The following VCL variants were observed in gnomAD, a reference collection of about 807,000 sequenced individuals.
The protein encoded by VCL is vinculin.
Under a neutral mutation model 125.7 loss-of-function variants are expected in VCL, and 47 were observed. The observed-to-expected ratio is 0.37, with a 90% confidence interval of 0.30 to 0.48. The LOEUF is 0.48. Ranked by LOEUF, VCL falls within the 20% of genes least tolerant of loss-of-function variation. The pLI is 0.99. For missense variants in VCL, 1,069 were observed against 1,455.5 expected (o/e 0.73, Z 4.32); for synonymous variants, 458 against 514.6 (o/e 0.89, Z 1.49).
At chr10:74,037,053 G>A (rs1429696026) in intron 1 of VCL, among the ~76,000 whole-genome samples, 2 of 152,054 alleles carry the variant, frequency 1.3e-5, no homozygotes, top group Non-Finnish European at 2.9e-5. Flanking sequence ...TGGGACTACA[G>A]GCGCCCGCCA....
intron 2 of VCL, among the ~76,000 whole-genome samples, chr10:74,065,329 G>A (rs531408088): frequency 1.0e-3 from 153 of 151,988 alleles, no homozygotes; most frequent in African/African-American, 3.5e-3. Context: ...TAGAGACAGT[G>A]TTTCACCATG....
intron 19 of VCL, 72 bp from the exon 20 acceptor site, chr10:74,114,112 G>A (rs1840273168): frequency 1.3e-6 from 2 of 1,583,782 alleles, no homozygotes; most frequent in East Asian, 4.5e-5. Flanking sequence ...CCTCTTCTCT[G>A]TGCTTCTCCT....
chr10:74,026,890 T>G (rs907102189), intron 1 of VCL, among the ~76,000 whole-genome samples: 2 of 152,166 alleles, frequency 1.3e-5, no homozygotes, highest in Non-Finnish European at 2.9e-5. Flanking sequence ...AACATGAAAA[T>G]GGGTTGCATT....
chr10:74,069,397 G>A (rs774115324), intron 2 of VCL, among the ~76,000 whole-genome samples: 1 of 152,134 alleles, frequency 6.6e-6, no homozygotes. Context: ...TATGCTCCTC[G>A]AGAGTTAGAA....
At chr10:74,091,803 AAAAAAAAAAAAG>A (rs1427594889) in intron 10 of VCL, among the ~76,000 whole-genome samples, 2 of 132,668 alleles carry the variant, frequency 1.5e-5, no homozygotes, top group African/African-American at 7.2e-5. Context: ...AAAAAAAAAA[AAAAAAAAAAAAG>A]AAAAGAAAAG....
chr10:74,082,068 G>C (rs1342420131), intron 6 of VCL, among the ~76,000 whole-genome samples: 1 of 152,192 alleles, frequency 6.6e-6, no homozygotes, highest in African/African-American at 2.4e-5. Context: ...CCCTGAGGTG[G>C]GAAGGGCTTT....
At chr10:74,028,340 T>C (rs919622560) in intron 1 of VCL, among the ~76,000 whole-genome samples, 1 of 151,770 alleles carries the variant, frequency 6.6e-6, no homozygotes, top group Admixed American at 6.6e-5. Flanking sequence ...AGCCTTGGCT[T>C]CCCAAAATGC....
chr10:74,010,656 A>C lies in VCL; in HGVS notation c.168+12281A>C, dbSNP rs560185169. 6.6e-5 allele frequency among the ~76,000 whole-genome samples: 10 copies of C among 152,078 alleles called. No homozygotes were observed. The South Asian group carries it at 1.0e-3, about 16-fold the overall frequency. On this transcript the variant is annotated intron_variant, in intron 1 of 21. Transcript: ENST00000211998. ...TTATCCTTTTCACCGTTTAAAAAAA[A>C]AAACAAACAAAAACAAAACCCATCT... is the stretch of plus-strand genomic sequence containing the variant.
In VCL at chr10:74,101,201, C is replaced by G. The variant is rs994038503; in HGVS notation, c.2022+104C>G. The G allele has an allele frequency of 2.7e-6, 4 of 1,468,156 alleles. No individual in the cohort carries two copies. In the African/African-American group the frequency reaches 5.6e-5, roughly 21 times the overall value. The allele number at this position is 1,468,156 out of a possible 1,614,324, so 90.9% of individuals were successfully genotyped here. ...CTTACCGTAAGATGGCATAAAAAAA[C>G]ATATACAGGCCAGCACGGTAGCACC... On this transcript the variant is annotated intron_variant, in intron 14 of 21. Transcript: ENST00000211998.
chr10:74,023,907 C>A (rs1840721022), intron 1 of VCL, among the ~76,000 whole-genome samples: 1 of 152,154 alleles, frequency 6.6e-6, no homozygotes, highest in South Asian at 2.1e-4. Flanking sequence ...TCTCTTCTTT[C>A]ACTTTTCAGC....
At chr10:74,112,135 G>A in intron 19 of VCL, 23 bp downstream of exon 19, 1 of 1,613,982 alleles carries the variant, frequency 6.2e-7, no homozygotes, top group Non-Finnish European at 8.5e-7. Flanking sequence ...ACCCCCAGTT[G>A]GGGGCTGCTC....
Position 74,111,509 on chromosome 10 carries a change from G to A in VCL, c.2746-400G>A, listed in dbSNP as rs369711998. Among the ~76,000 whole-genome samples the A allele has an allele frequency of 3.8e-4, 58 of 152,200 alleles. 1 individual carries two copies. In the Middle Eastern group the frequency reaches 0.01, roughly 27 times the overall value. Reference sequence around the variant, plus strand: ...GTGGCTGCATTTACTTTTTCTCTCCGGATTCCTTTTAAAGGTAATTTGCTA... The same window carrying A: ...GTGGCTGCATTTACTTTTTCTCTCCAGATTCCTTTTAAAGGTAATTTGCTA... On this transcript the variant is annotated intron_variant, in intron 18 of 21. Transcript: ENST00000211998.
At position 74,118,007 on chromosome 10, in the gene VCL, AC is replaced by A. The variant is rs760439057; in HGVS notation, c.3259-14del. 3.5e-5 allele frequency: 56 copies of A among 1,613,684 alleles called. No homozygotes were observed. The South Asian group carries it at 5.9e-4, about 17-fold the overall frequency. ...TCAGGGACCCTGGGTAACGGAAAGT[AC>A]CTTTTTCCTTGCAGGCCACAGAGAT... is the stretch of plus-strand genomic sequence containing the variant. On this transcript the variant is annotated splice_polypyrimidine_tract_variant and intron_variant, in intron 21 of 21. Transcript: ENST00000211998.
chr10:74,026,483 G>T (rs962051536), intron 1 of VCL, among the ~76,000 whole-genome samples: 7 of 152,182 alleles, frequency 4.6e-5, no homozygotes, highest in Non-Finnish European at 1.0e-4. Flanking sequence ...TGGGGGAGTT[G>T]TAAAGATTTA....
intron 1 of VCL, among the ~76,000 whole-genome samples, chr10:74,018,498 T>G (rs750975991): frequency 9.2e-5 from 14 of 152,028 alleles, no homozygotes; most frequent in Non-Finnish European, 1.8e-4. Flanking sequence ...CATTCCACTT[T>G]AGAGAGGCAG....
chr10:74,085,522 C>G (rs375999140), intron 8 of VCL, among the ~76,000 whole-genome samples: 5 of 152,206 alleles, frequency 3.3e-5, no homozygotes, highest in African/African-American at 9.6e-5. Flanking sequence ...CCTCCTAAAG[C>G]CTTGGCCTTT....
chr10:74,038,523 G>A (rs1841030548), intron 1 of VCL, among the ~76,000 whole-genome samples: 1 of 152,232 alleles, frequency 6.6e-6, no homozygotes, highest in African/African-American at 2.4e-5. Context: ...ATTCTAGCCA[G>A]AGTGTATTGA....
At chr10:74,102,237 T>G (rs1164647076) in intron 14 of VCL, among the ~76,000 whole-genome samples, 3 of 151,600 alleles carry the variant, frequency 2.0e-5, no homozygotes, top group Non-Finnish European at 4.4e-5. Flanking sequence ...TGTGAGAGTT[T>G]TTTTTTTTTT....
In VCL at chr10:74,118,333, C is replaced by A. The variant is rs1840343049; in HGVS notation, c.*164C>A. ...CTTCAAATTAGAAGACATTTATACTCTTTTTTCATGGACACTTTGAAATGT... is the reference window on the plus strand; with the variant it reads ...CTTCAAATTAGAAGACATTTATACTATTTTTTCATGGACACTTTGAAATGT... On this transcript the variant is annotated 3_prime_UTR_variant, in exon 22 of 22. Transcript: ENST00000211998. The A allele has an allele frequency of 3.9e-5, 32 of 818,102 alleles. No individual in the cohort carries two copies. In the South Asian group the frequency reaches 4.7e-4, roughly 12 times the overall value. 50.7% of individuals were successfully genotyped at this position (818,102 alleles called of 1,614,324 possible). A position where few individuals can be genotyped will look rare whatever the true frequency, so the allele number is the denominator to read the frequency against.
Sources: allele counts gnomAD v4.1 joint callset (sites outside exome capture counted in the v4.1 genomes callset), GRCh38; gene constraint gnomAD v4.1.1; transcripts MANE v1.5; gene names NCBI Gene and HGNC (gene_info 2026-07-23, HGNC 2026-07-21).